KIF16B: variants seen among roughly 807,000 people sequenced by gnomAD.
KIF16B encodes kinesin-like protein KIF16B.
A neutral mutation model predicts 156.3 loss-of-function variants in KIF16B; 98 were observed. The observed-to-expected ratio is 0.63, with a 90% confidence interval of 0.53 to 0.74. The LOEUF (loss-of-function observed/expected upper bound fraction) is 0.74. Among genes scored for constraint, KIF16B ranks in the 30% least tolerant of loss-of-function variants. KIF16B has a pLI of 0.00. For missense variants in KIF16B, 1,421 were observed against 1,606.5 expected, an observed-to-expected ratio of 0.88 and a Z score of 1.97; for synonymous variants, 564 against 583.7, an observed-to-expected ratio of 0.97 and a Z score of 0.49.
chr20:16,567,984 T>C (rs1415526088), intron 1 of KIF16B, among the ~76,000 whole-genome samples: 5 of 152,198 alleles, frequency 3.3e-5, no homozygotes, highest in Admixed American at 1.3e-4. Context: ...ACCTGGTACC[T>C]GGCAGTGCCT....
chr20:16,311,894 A>G (rs781108909), intron 25 of KIF16B, among the ~76,000 whole-genome samples: 8 of 151,978 alleles, frequency 5.3e-5, no homozygotes, highest in Non-Finnish European at 7.4e-5. Flanking sequence ...AAGTCAAATG[A>G]AACCTACCCA....
chr20:16,497,586 A>G (rs1209080164), intron 11 of KIF16B, 27 bp downstream of exon 11: 1 of 1,554,146 alleles, frequency 6.4e-7, no homozygotes, highest in Non-Finnish European at 8.9e-7. Flanking sequence ...GTTATGATTT[A>G]AAAATATAAG....
chr20:16,341,780 G>A (rs1253702490), intron 23 of KIF16B, among the ~76,000 whole-genome samples: 1 of 152,150 alleles, frequency 6.6e-6, no homozygotes, highest in East Asian at 1.9e-4. Context: ...GCAGGTTAAG[G>A]TCCGAGCAGC....
intron 12 of KIF16B, among the ~76,000 whole-genome samples, chr20:16,439,441 C>T (rs1047064625): frequency 4.6e-5 from 7 of 152,120 alleles, no homozygotes; most frequent in African/African-American, 1.7e-4. Flanking sequence ...CCCACCTCTC[C>T]AACCTCATCT....
chr20:16,355,106 A>G (rs2064413463), intron 23 of KIF16B, among the ~76,000 whole-genome samples: 1 of 151,974 alleles, frequency 6.6e-6, no homozygotes, highest in Non-Finnish European at 1.5e-5. Flanking sequence ...AAAAGAAGTT[A>G]TTTACATCAT....
At chr20:16,364,399 A>G (rs576579146) in intron 22 of KIF16B, among the ~76,000 whole-genome samples, 35 of 152,234 alleles carry the variant, frequency 2.3e-4, no homozygotes, top group Non-Finnish European at 4.7e-4. Flanking sequence ...CCACATAACC[A>G]AGATGTATGC....
At chr20:16,335,860 T>A in intron 24 of KIF16B, 66 bp downstream of exon 24, 2 of 962,046 alleles carry the variant, frequency 2.1e-6, no homozygotes, top group Non-Finnish European at 3.3e-6. Context: ...ACATTGCTAA[T>A]GCAATCAGCT....
chr20:16,443,921 T>A (rs1012668563), intron 12 of KIF16B, among the ~76,000 whole-genome samples: 3 of 152,248 alleles, frequency 2.0e-5, no homozygotes, highest in African/African-American at 7.2e-5. Flanking sequence ...AAATAAATTG[T>A]GTTTGCTGAT....
At chr20:16,403,735 C>A (rs1455495492) in intron 17 of KIF16B, among the ~76,000 whole-genome samples, 1 of 152,186 alleles carries the variant, frequency 6.6e-6, no homozygotes, top group African/African-American at 2.4e-5. Context: ...AAGATCCCTC[C>A]TATGACACTG....
At chr20:16,538,820 C>G (rs532733499) in intron 1 of KIF16B, among the ~76,000 whole-genome samples, 5 of 152,132 alleles carry the variant, frequency 3.3e-5, no homozygotes, top group Non-Finnish European at 4.4e-5. Context: ...GAGTGGATTT[C>G]TCATGAATGG....
At chr20:16,519,796 G>T (rs1488783086) in intron 3 of KIF16B, among the ~76,000 whole-genome samples, 1 of 152,320 alleles carries the variant, frequency 6.6e-6, no homozygotes, top group East Asian at 1.9e-4. Flanking sequence ...AGTGATTTCT[G>T]GATTTTCAAT....
At chr20:16,483,035 GACTGGTTCAGAA>G (rs1163139115) in intron 12 of KIF16B, among the ~76,000 whole-genome samples, 3 of 152,176 alleles carry the variant, frequency 2.0e-5, no homozygotes, top group Non-Finnish European at 4.4e-5. Context: ...TGGCCCCAGA[GACTGGTTCAGAA>G]ATGCACCATT....
intron 1 of KIF16B, among the ~76,000 whole-genome samples, chr20:16,531,511 A>C (rs1045176258): frequency 5.3e-5 from 8 of 152,180 alleles, no homozygotes; most frequent in Non-Finnish European, 4.4e-5. Flanking sequence ...CTGAAGTACC[A>C]ACGCGACTGC....
intron 12 of KIF16B, among the ~76,000 whole-genome samples, chr20:16,473,376 T>G (rs2067718697): frequency 6.6e-6 from 1 of 152,184 alleles, no homozygotes; most frequent in African/African-American, 2.4e-5. Flanking sequence ...ATATTAATAC[T>G]AAAACAGTCC....
intron 12 of KIF16B, among the ~76,000 whole-genome samples, chr20:16,463,211 A>T (rs2067395804): frequency 6.6e-6 from 1 of 151,990 alleles, no homozygotes; most frequent in Non-Finnish European, 1.5e-5. Flanking sequence ...TGCCTATTTA[A>T]CCTCCACTCT....
intron 12 of KIF16B, among the ~76,000 whole-genome samples, chr20:16,480,907 G>A (rs570678078): frequency 2.6e-5 from 4 of 152,214 alleles, no homozygotes; most frequent in African/African-American, 9.6e-5. Context: ...GTCTCCAAAT[G>A]CTTGTATGAG....
At position 16,559,115 on chromosome 20, in the gene KIF16B, A is replaced by C. The variant is rs534432751; in HGVS notation, c.47+14114T>G. On this transcript the variant is annotated intron_variant, in intron 1 of 25. Transcript: ENST00000354981. The stretch of plus-strand genomic sequence containing the variant: ...TTTGCAACCCTTGTACTATATATTT[A>C]ACTAATTCTGCCTAAAACCAATACT... 1.6e-4 allele frequency among the ~76,000 whole-genome samples: 25 copies of C among 152,154 alleles called. No individual in the cohort carries two copies. In the South Asian group the frequency reaches 5.0e-3, roughly 30 times the overall value.
chr20:16,398,151 ACT>A (rs1297877582), intron 17 of KIF16B, among the ~76,000 whole-genome samples: 1 of 151,998 alleles, frequency 6.6e-6, no homozygotes, highest in African/African-American at 2.4e-5. Flanking sequence ...TGAGGATACG[ACT>A]CTATGCTCAG....
At chr20:16,475,928 A>G (rs187596484) in intron 12 of KIF16B, among the ~76,000 whole-genome samples, 197 of 152,366 alleles carry the variant, frequency 1.3e-3, no homozygotes, top group African/African-American at 4.5e-3. Context: ...ATCTTTCTGC[A>G]GCAATTCTCA....
Sources: allele counts gnomAD v4.1 joint callset (sites outside exome capture counted in the v4.1 genomes callset), GRCh38; gene constraint gnomAD v4.1.1; transcripts MANE v1.5; gene names NCBI Gene and HGNC (gene_info 2026-07-23, HGNC 2026-07-21).